Variants in WNK3 observed in about 807,000 individuals in gnomAD.
WNK3 encodes the protein serine/threonine-protein kinase WNK3.
A neutral mutation model predicts 116.7 loss-of-function variants in WNK3; 18 were observed. The observed-to-expected ratio is 0.15, with a 90% CI of 0.11 to 0.23. WNK3 has a LOEUF of 0.23. Ranked by LOEUF, WNK3 falls within the 10% of genes least tolerant of loss-of-function variation. WNK3 has a pLI of 1.00. For missense variants in WNK3, 993 were observed against 1,323.8 expected (o/e 0.75, Z 3.88); for synonymous variants, 404 against 469.4 (o/e 0.86, Z 1.80).
chrX:54,316,478 T>G, intron 2 of WNK3, among the ~76,000 whole-genome samples: 1 of 102,011 alleles, frequency 9.8e-6, no homozygotes, highest in South Asian at 4.6e-4. Context: ...AGGCGGAGGT[T>G]GCAGTGAGCT....
exon 13 of WNK3, chrX:54,253,983 C>A (rs149522993): frequency 8.3e-7 from 1 of 1,204,183 alleles, no homozygotes; most frequent in Admixed American, 2.2e-5. Flanking sequence ...TATCCTCTGG[C>A]GCATCACCAT....
exon 21 of WNK3, chrX:54,232,847 T>C (rs1330942169): frequency 8.3e-6 from 10 of 1,209,778 alleles, no homozygotes; most frequent in Non-Finnish European, 1.1e-5. Context: ...TGTCAAGGAC[T>C]GGGGGCGGCT....
chrX:54,333,128 T>C lies in WNK3; in HGVS notation c.537+9A>G. The C allele has an allele frequency of 1.7e-6, 2 of 1,168,670 alleles. No homozygotes were observed. The highest frequency in any genetic ancestry group is 2.3e-6 in the Non-Finnish European group (2 of 872,369). ...GAATTTATTATAACCAAGAAGATTATATACCTACCTGCAGCTCACACCAAG... is the reference window on the plus strand; with the variant it reads ...GAATTTATTATAACCAAGAAGATTACATACCTACCTGCAGCTCACACCAAG... On this transcript the variant is annotated intron_variant, in intron 2 of 23. Coordinates refer to ENST00000354646, the Ensembl canonical transcript of WNK3.
At chrX:54,261,985 C>T (rs908761876) in intron 10 of WNK3, among the ~76,000 whole-genome samples, 4 of 111,714 alleles carry the variant, frequency 3.6e-5, no homozygotes, top group Non-Finnish European at 7.5e-5. Flanking sequence ...AGTTTACAGT[C>T]CTACCAGAGG....
chrX:54,201,557 T>G (rs1468907037), intron 23 of WNK3, among the ~76,000 whole-genome samples: 2 of 112,250 alleles, frequency 1.8e-5, no homozygotes, highest in African/African-American at 6.5e-5. Context: ...TGAATTAACC[T>G]TCATTCCAGA....
intron 20 of WNK3, among the ~76,000 whole-genome samples, chrX:54,235,603 G>C (rs782336489): frequency 1.4e-4 from 16 of 111,359 alleles, no homozygotes; most frequent in African/African-American, 4.9e-4. Flanking sequence ...AGCTTTTTGC[G>C]TGCCTATTTA....
intron 2 of WNK3, among the ~76,000 whole-genome samples, chrX:54,326,151 C>T (rs1557173342): frequency 9.4e-6 from 1 of 106,208 alleles, no homozygotes; most frequent in Non-Finnish European, 1.9e-5. Context: ...AGTGCAGTAG[C>T]GTGATCTCAG....
At chrX:54,208,044 T>C (rs1271700134) in intron 22 of WNK3, among the ~76,000 whole-genome samples, 1 of 111,111 alleles carries the variant, frequency 9.0e-6, no homozygotes, top group Non-Finnish European at 1.9e-5. Flanking sequence ...AACCTCAGTC[T>C]CTTCACCTAA....
intron 6 of WNK3, among the ~76,000 whole-genome samples, chrX:54,299,700 C>T (rs781795348): frequency 1.8e-5 from 2 of 110,455 alleles, no homozygotes; most frequent in East Asian, 2.8e-4. Context: ...GCCACTGTGC[C>T]CGTCCCTAAG....
At chrX:54,340,917 T>C (rs1304091084) in intron 1 of WNK3, among the ~76,000 whole-genome samples, 1 of 111,878 alleles carries the variant, frequency 8.9e-6, no homozygotes, top group Non-Finnish European at 1.9e-5. Context: ...AGTCTGGCAG[T>C]TCCTCAGTAA....
At chrX:54,300,828 A>G (rs2068750098) in intron 6 of WNK3, among the ~76,000 whole-genome samples, 1 of 112,131 alleles carries the variant, frequency 8.9e-6, no homozygotes, top group African/African-American at 3.2e-5. Context: ...ACAAATGGCC[A>G]ATAACCCCAT....
chrX:54,198,264 C>A, exon 24 of WNK3: 1 of 982,109 alleles, frequency 1.0e-6, no homozygotes, highest in South Asian at 3.1e-5. Flanking sequence ...ACTTTAATAT[C>A]TTGGGTGTCC....
At chrX:54,244,872 G>A (rs2068059101) in intron 17 of WNK3, among the ~76,000 whole-genome samples, 1 of 111,255 alleles carries the variant, frequency 9.0e-6, no homozygotes, top group African/African-American at 3.3e-5. Context: ...TTTGGAGAAA[G>A]GCACAGACCA....
At chrX:54,294,219 GATA>G (rs1257984121) in intron 8 of WNK3, among the ~76,000 whole-genome samples, 1 of 111,378 alleles carries the variant, frequency 9.0e-6, no homozygotes, top group Non-Finnish European at 1.9e-5. Flanking sequence ...CCTCAAAAAT[GATA>G]ATAAGATCAT....
At position 54,317,139 on chromosome X, in the gene WNK3, C is replaced by G. The variant is rs782196543; in HGVS notation, c.538-5848G>C. Among the ~76,000 whole-genome samples, 4 of 108,671 alleles carry G rather than the reference C, an allele frequency of 3.7e-5. No individual in the cohort carries two copies. In the South Asian group the frequency reaches 1.5e-3, roughly 42 times the overall value. The allele number at this position is 108,671 out of a possible 115,157, so 94.4% of individuals were successfully genotyped here. ...AAGAGAAATGAAATTCTGATACATG[C>G]TACAAAACATGGATGAATCTTTTTT... On this transcript the variant is annotated intron_variant, in intron 2 of 23. Coordinates refer to ENST00000354646, the Ensembl canonical transcript of WNK3.
At chrX:54,247,436 C>A (rs1344171834) in intron 17 of WNK3, among the ~76,000 whole-genome samples, 1 of 109,220 alleles carries the variant, frequency 9.2e-6, no homozygotes, top group Non-Finnish European at 1.9e-5. Flanking sequence ...TGGATAGATA[C>A]CCATAAATGA....
At chrX:54,314,734 C>T (rs1342911041) in intron 2 of WNK3, among the ~76,000 whole-genome samples, 1 of 111,507 alleles carries the variant, frequency 9.0e-6, no homozygotes, top group African/African-American at 3.3e-5. Flanking sequence ...TTGCGCCACA[C>T]TGCGCCACAC....
intron 22 of WNK3, among the ~76,000 whole-genome samples, chrX:54,208,032 C>T (rs2067573377): frequency 9.0e-6 from 1 of 111,266 alleles, no homozygotes; most frequent in Admixed American, 9.7e-5. Flanking sequence ...CTTAACCTCA[C>T]TAACCTCAGT....
intron 17 of WNK3, 122 bp from the exon 18 acceptor site, chrX:54,239,221 G>A: frequency 2.0e-5 from 9 of 456,933 alleles, no homozygotes; most frequent in Non-Finnish European, 2.7e-5. Flanking sequence ...AAAAAAAACG[G>A]AATTTCTTGT....
Sources: allele counts gnomAD v4.1 joint callset (sites outside exome capture counted in the v4.1 genomes callset), GRCh38; gene constraint gnomAD v4.1.1; transcripts MANE v1.5; gene names NCBI Gene and HGNC (gene_info 2026-07-23, HGNC 2026-07-21).